VAT1L: variants seen among roughly 807,000 people sequenced by gnomAD.
The protein encoded by VAT1L is putative NADPH-dependent quinone oxidoreductase VAT1L.
A neutral mutation model predicts 44.1 loss-of-function variants in VAT1L; 34 were observed. The observed-to-expected ratio is 0.77, with a 90% CI of 0.59 to 1.03. The LOEUF (loss-of-function observed/expected upper bound fraction) is 1.03, where lower values mean the gene tolerates loss of function less well. Among genes scored for constraint, VAT1L ranks in the 50% least tolerant of loss-of-function variants. The pLI, the probability that VAT1L is intolerant of heterozygous loss-of-function variation, is 0.00. For synonymous variants in VAT1L, 253 were observed against 202.2 expected (o/e 1.25, Z -2.13); for missense variants, 615 against 538.8 (o/e 1.14, Z -1.40).
intron 7 of VAT1L, among the ~76,000 whole-genome samples, chr16:77,952,687 T>C (rs2018057606): frequency 6.6e-6 from 1 of 151,848 alleles, no homozygotes; most frequent in African/African-American, 2.4e-5. Context: ...CAAAACCCTG[T>C]ATCTATTAAA....
intron 3 of VAT1L, among the ~76,000 whole-genome samples, chr16:77,859,174 C>T (rs1319880619): frequency 6.6e-6 from 1 of 151,056 alleles, no homozygotes; most frequent in East Asian, 1.9e-4. Flanking sequence ...GTGGCATGTA[C>T]CTGTAGTCCC....
intron 7 of VAT1L, among the ~76,000 whole-genome samples, chr16:77,934,563 C>G (rs1039505145): frequency 3.3e-5 from 5 of 152,174 alleles, no homozygotes; most frequent in African/African-American, 1.2e-4. Context: ...TTTCTGACCT[C>G]TAGAACTATA....
chr16:77,947,140 T>G (rs1196076838), intron 7 of VAT1L, among the ~76,000 whole-genome samples: 1 of 152,162 alleles, frequency 6.6e-6, no homozygotes, highest in African/African-American at 2.4e-5. Flanking sequence ...CCTCTGCAAA[T>G]GGGCAGAGAT....
chr16:77,915,078 T>C (rs573630093), intron 7 of VAT1L, among the ~76,000 whole-genome samples: 3 of 152,166 alleles, frequency 2.0e-5, no homozygotes, highest in South Asian at 4.2e-4. Context: ...TGAGCCGAGA[T>C]TGTGCCATTG....
intron 1 of VAT1L, 136 bp from the exon 2 acceptor site, chr16:77,816,785 G>GAAA: frequency 9.2e-7 from 1 of 1,086,584 alleles, no homozygotes; most frequent in Non-Finnish European, 1.2e-6. Context: ...TTGCCAAAAA[G>GAAA]AAAAAAAAAA....
intron 3 of VAT1L, among the ~76,000 whole-genome samples, chr16:77,828,526 G>A (rs1001563177): frequency 1.1e-4 from 17 of 152,318 alleles, no homozygotes; most frequent in South Asian, 2.1e-4. Flanking sequence ...AGCTGGGCAT[G>A]GTGGCGCATG....
intron 3 of VAT1L, among the ~76,000 whole-genome samples, chr16:77,854,635 C>T (rs1238122879): frequency 2.0e-5 from 3 of 152,138 alleles, no homozygotes; most frequent in Admixed American, 2.0e-4. Flanking sequence ...CTAAGTACCT[C>T]TATGCGTCGA....
chr16:77,913,022 C>T (rs1016428343), intron 7 of VAT1L, among the ~76,000 whole-genome samples: 2 of 152,176 alleles, frequency 1.3e-5, no homozygotes, highest in Non-Finnish European at 2.9e-5. Context: ...AATACCATCA[C>T]ATCAGGTGTT....
At chr16:77,813,716 A>G (rs2966055) in intron 1 of VAT1L, among the ~76,000 whole-genome samples, 93,916 of 152,054 alleles carry the variant, frequency 0.62, 29,553 homozygotes, top group South Asian at 0.72. Flanking sequence ...CATCCTTTCT[A>G]TTGCTAAGTC....
intron 7 of VAT1L, among the ~76,000 whole-genome samples, chr16:77,915,033 G>A (rs1171948565): frequency 1.3e-5 from 2 of 152,268 alleles, no homozygotes; most frequent in African/African-American, 2.4e-5. Flanking sequence ...GCTGAGGCAG[G>A]AGAATCGCTT....
At chr16:77,876,495 G>A in intron 5 of VAT1L, 22 bp downstream of exon 5, 1 of 1,608,184 alleles carries the variant, frequency 6.2e-7, no homozygotes, top group Admixed American at 1.7e-5. Flanking sequence ...ACAGCAGCAG[G>A]GACGTGGTCA....
At chr16:77,964,156 T>C (rs2018195133) in intron 7 of VAT1L, among the ~76,000 whole-genome samples, 1 of 152,138 alleles carries the variant, frequency 6.6e-6, no homozygotes, top group South Asian at 2.1e-4. Flanking sequence ...TCCCTATTGC[T>C]CAGCTCTTTC....
chr16:77,831,909 G>A (rs1357086731), intron 3 of VAT1L, among the ~76,000 whole-genome samples: 5 of 151,394 alleles, frequency 3.3e-5, no homozygotes, highest in Admixed American at 2.6e-4. Flanking sequence ...TCTGCCTCCC[G>A]GCTTCAATCG....
At chr16:77,920,374 G>A (rs1317888189) in intron 7 of VAT1L, among the ~76,000 whole-genome samples, 2 of 152,152 alleles carry the variant, frequency 1.3e-5, no homozygotes, top group Admixed American at 6.5e-5. Context: ...CAGCAATGCA[G>A]GAGAAGGAAG....
intron 6 of VAT1L, chr16:77,882,335 TTCA>T (rs1277798347): frequency 6.6e-6 from 1 of 152,266 alleles, no homozygotes; most frequent in African/African-American, 2.4e-5. Flanking sequence ...GCTATTTTCT[TTCA>T]CACCATAACG....
intron 8 of VAT1L, 118 bp from the exon 9 acceptor site, chr16:77,977,479 A>G: frequency 1.0e-6 from 1 of 989,060 alleles, no homozygotes; most frequent in South Asian, 1.6e-5. Context: ...CCTTCCAGGG[A>G]AACAAGCAAC....
chr16:77,887,609 G>A (rs1366659), intron 7 of VAT1L, among the ~76,000 whole-genome samples: 11,650 of 152,166 alleles, frequency 0.077, 546 homozygotes, highest in East Asian at 0.15. Context: ...GTGTGCTGGG[G>A]TTGTCAGCAC....
At chr16:77,795,979 C>G (rs1215818558) in intron 1 of VAT1L, among the ~76,000 whole-genome samples, 3 of 151,930 alleles carry the variant, frequency 2.0e-5, no homozygotes, top group Non-Finnish European at 4.4e-5. Flanking sequence ...GTGCCTGCCA[C>G]CAAGCCCAGC....
Position 77,788,565 on chromosome 16 carries a change from T to A in VAT1L, c.-118T>A. Reference sequence around the variant, plus strand: ...GCGGCGCTCGCAGAGGCTGCAGCCATTGCACAGCCGAGCATCCCACATTCA... The same window carrying A: ...GCGGCGCTCGCAGAGGCTGCAGCCAATGCACAGCCGAGCATCCCACATTCA... On this transcript the variant is annotated 5_prime_UTR_variant, in exon 1 of 9. In the 5' UTR this introduces an upstream ATG that the reference lacks. Transcript: ENST00000302536. 1.7e-6 allele frequency: 2 copies of A among 1,195,598 alleles called. No individual in the cohort carries two copies. Among genetic ancestry groups the A allele is most frequent in the Non-Finnish European group, 2.3e-6 (2 of 859,106 alleles). 74.1% of individuals were successfully genotyped at this position (1,195,598 alleles called of 1,614,324 possible). A position where few individuals can be genotyped will look rare whatever the true frequency, so the allele number is the denominator to read the frequency against.
Sources: gnomAD v4.1 joint callset for allele counts (sites outside exome capture counted in the v4.1 genomes callset) on GRCh38, gnomAD v4.1.1 for gene constraint, MANE v1.5 for transcripts, NCBI Gene and HGNC (gene_info 2026-07-23, HGNC 2026-07-21) for gene names.